The following EEF2K variants were observed in gnomAD, a reference collection of about 807,000 sequenced individuals.
EEF2K encodes the protein alternative protein EEF2K.
In EEF2K, 70 loss-of-function variants were observed where a neutral mutation model predicts 93.8. The observed-to-expected ratio is 0.75, with a 90% CI of 0.62 to 0.91. EEF2K has a LOEUF of 0.91. Among genes scored for constraint, EEF2K ranks in the 40% least tolerant of loss-of-function variants. The pLI, the probability that EEF2K is intolerant of heterozygous loss-of-function variation, is 0.00. For missense variants in EEF2K, 935 were observed against 972.9 expected (o/e 0.96, Z 0.52); for synonymous variants, 376 against 380.8 (o/e 0.99, Z 0.15).
chr16:22,211,563 G>A (rs1258204913), intron 1 of EEF2K, among the ~76,000 whole-genome samples: 1 of 152,084 alleles, frequency 6.6e-6, no homozygotes, highest in Non-Finnish European at 1.5e-5. Context: ...TGGTTCAAGT[G>A]ATTCTCATGC....
intron 2 of EEF2K, among the ~76,000 whole-genome samples, chr16:22,242,743 A>G (rs535704719): frequency 1.3e-5 from 2 of 152,264 alleles, no homozygotes; most frequent in South Asian, 2.1e-4. Flanking sequence ...GTTCTGCACG[A>G]TGAATTTTCC....
chr16:22,249,780 A>T (rs977521328), intron 4 of EEF2K, among the ~76,000 whole-genome samples: 6 of 151,238 alleles, frequency 4.0e-5, no homozygotes, highest in Non-Finnish European at 7.4e-5. Flanking sequence ...GTCAATTTTT[A>T]AAAATTTTTT....
intron 2 of EEF2K, among the ~76,000 whole-genome samples, chr16:22,240,117 A>C (rs985936950): frequency 2.6e-5 from 4 of 152,032 alleles, no homozygotes; most frequent in African/African-American, 9.7e-5. Flanking sequence ...AAAAAAAAAA[A>C]AAAAGGTACA....
At chr16:22,248,290 C>T (rs2047315134) in intron 3 of EEF2K, among the ~76,000 whole-genome samples, 1 of 152,130 alleles carries the variant, frequency 6.6e-6, no homozygotes, top group East Asian at 1.9e-4. Flanking sequence ...ATCTCGAACT[C>T]CTGACCTCAT....
At position 22,243,247 on chromosome 16, in the gene EEF2K, A is replaced by AT. The variant is rs568043657; in HGVS notation, c.247-1363dup. On this transcript the variant is annotated intron_variant, in intron 2 of 17. Transcript: ENST00000263026. The stretch of plus-strand genomic sequence containing the variant: ...AGAATCTCCACCAGAGATGCAGCCT[A>AT]TTTTTTTTTTTTTTTTTTTTCTGAG... Among the ~76,000 whole-genome samples the AT allele has an allele frequency of 5.7e-3, 674 of 118,486 alleles. 5 individuals are homozygous for AT. Among genetic ancestry groups the AT allele is most frequent in the Non-Finnish European group, 7.7e-3 (444 of 57,610 alleles). The allele number at this position is 118,486 out of a possible 152,430, so 77.7% of individuals were successfully genotyped here.
intron 13 of EEF2K, 81 bp from the exon 14 acceptor site, chr16:22,266,309 T>C: frequency 3.9e-6 from 6 of 1,522,114 alleles, no homozygotes; most frequent in Non-Finnish European, 5.3e-6. Context: ...GCCAGGCTCC[T>C]GTGTAGTAGG....
intron 11 of EEF2K, among the ~76,000 whole-genome samples, chr16:22,261,769 C>T (rs548813493): frequency 6.6e-6 from 1 of 151,918 alleles, no homozygotes; most frequent in South Asian, 2.1e-4. Flanking sequence ...CTATGGGAGG[C>T]TGAGGCAGGC....
chr16:22,257,494 C>G, intron 8 of EEF2K, 109 bp downstream of exon 8: 2 of 1,548,668 alleles, frequency 1.3e-6, no homozygotes, highest in Non-Finnish European at 8.7e-7. Flanking sequence ...CGCGCTTTTT[C>G]AAGATCATGG....
chr16:22,257,281 C>A lies in EEF2K; in HGVS notation c.797C>A (p.Ser266Tyr). 1.2e-6 allele frequency: 2 copies of A among 1,614,088 alleles called. No homozygotes were observed. Among genetic ancestry groups the A allele is most frequent in the Non-Finnish European group, 1.7e-6 (2 of 1,180,024 alleles). ...QAFSHFTFER[S>Y]GHQLIVVDIQ... ...TTCAGCCACTTCACTTTTGAGCGTT[C>A]CGGCCATCAGCTGATAGTGGTGGAC... The change falls in exon 8 of 18, where the codon TCC (serine) becomes TAC (tyrosine). Residue 266 changes from serine to tyrosine, a missense_variant. Coordinates refer to ENST00000263026, the MANE Select transcript of EEF2K (RefSeq NM_013302.5).
At chr16:22,246,108 C>T (rs1022152978) in intron 3 of EEF2K, among the ~76,000 whole-genome samples, 1 of 152,160 alleles carries the variant, frequency 6.6e-6, no homozygotes, top group Non-Finnish European at 1.5e-5. Context: ...TTCTGACCAG[C>T]TATAAATCAG....
At chr16:22,244,910 C>G (rs1193266878) in intron 3 of EEF2K, among the ~76,000 whole-genome samples, 180 bp downstream of exon 3, 1 of 152,120 alleles carries the variant, frequency 6.6e-6, no homozygotes, top group African/African-American at 2.4e-5. Context: ...GAATCCTTCT[C>G]GTGGTTCTCA....
Position 22,280,086 on chromosome 16 carries a change from T to C in EEF2K, c.1890-112T>C. 2.7e-6 allele frequency: 3 copies of C among 1,099,376 alleles called. No homozygotes were observed. In the South Asian group the frequency reaches 6.4e-5, roughly 23 times the overall value. The allele number at this position is 1,099,376 out of a possible 1,614,324, so 68.1% of individuals were successfully genotyped here. On this transcript the variant is annotated intron_variant, in intron 16 of 17. Transcript: ENST00000263026. ...CTTGGACAAGATAGGTCGTGAACCATAGGTGGTGGCCCTGCTGGGATCCCT... is the reference window on the plus strand; with the variant it reads ...CTTGGACAAGATAGGTCGTGAACCACAGGTGGTGGCCCTGCTGGGATCCCT...
chr16:22,214,443 A>G (rs941699772), intron 1 of EEF2K, among the ~76,000 whole-genome samples: 2 of 151,012 alleles, frequency 1.3e-5, no homozygotes, highest in Non-Finnish European at 3.0e-5. Flanking sequence ...CCCTGTCTCA[A>G]AAAAAAAAGA....
intron 2 of EEF2K, among the ~76,000 whole-genome samples, chr16:22,226,543 TCTCGC>T (rs2047067104): frequency 6.8e-6 from 1 of 146,274 alleles, no homozygotes; most frequent in East Asian, 2.2e-4. Flanking sequence ...ATAAACGTGG[TCTCGC>T]TTTGTTGCCC....
rs897946909 is a variant in EEF2K, at chr16:22,206,930, C to A, written c.-77+251C>A. ...CGATGTGGATATGGAAAGCAATTGG[C>A]AAGCAATGGGCGGTGATCTGGCTGC... is the stretch of plus-strand genomic sequence containing the variant. On this transcript the variant is annotated intron_variant, in intron 1 of 17. Transcript: ENST00000263026. Among the ~76,000 whole-genome samples, 37 of 152,294 alleles carry A rather than the reference C, an allele frequency of 2.4e-4. 1 individual carries two copies. The Middle Eastern group carries it at 0.01, about 42-fold the overall frequency.
chr16:22,286,350 CT>C lies in EEF2K; in HGVS notation c.*2359del. 6.6e-6 allele frequency: 1 copy of C among 152,166 alleles called. No individual in the cohort carries two copies. Among genetic ancestry groups the C allele is most frequent in the Non-Finnish European group, 1.5e-5 (1 of 68,038 alleles). 9.4% of individuals were successfully genotyped at this position (152,166 alleles called of 1,614,324 possible). ...GTAATCAAGCCTCACGTAATTCATG[CT>C]TTTTAAATTCAGCCAGCCCCCCCTC... is the stretch of plus-strand genomic sequence containing the variant. On this transcript the variant is annotated 3_prime_UTR_variant, in exon 18 of 18. Coordinates refer to ENST00000263026, the MANE Select transcript of EEF2K (RefSeq NM_013302.5).
chr16:22,251,048 AC>A, intron 5 of EEF2K, 102 bp from the exon 6 acceptor site: 1 of 1,437,552 alleles, frequency 7.0e-7, no homozygotes, highest in Non-Finnish European at 9.4e-7. Flanking sequence ...GCTGCCAGCC[AC>A]CCAGCCACAT....
chr16:22,269,640 G>A (rs764746945), intron 15 of EEF2K, among the ~76,000 whole-genome samples: 1 of 152,064 alleles, frequency 6.6e-6, no homozygotes, highest in Non-Finnish European at 1.5e-5. Flanking sequence ...GGCCTCAGGT[G>A]ATTCACCCAC....
At chr16:22,257,231 T>A in intron 7 of EEF2K, 22 bp from the exon 8 acceptor site, 1 of 1,613,716 alleles carries the variant, frequency 6.2e-7, no homozygotes, top group Middle Eastern at 1.7e-4. Context: ...TGACATCTCG[T>A]TTTCCTTCCT....
Sources: gnomAD v4.1 joint callset for allele counts (sites outside exome capture counted in the v4.1 genomes callset) on GRCh38, gnomAD v4.1.1 for gene constraint, MANE v1.5 for transcripts, NCBI Gene and HGNC (gene_info 2026-07-23, HGNC 2026-07-21) for gene names.